The following GALK2 variants were observed in gnomAD, a reference collection of about 807,000 sequenced individuals.
GALK2 encodes the protein N-acetylgalactosamine kinase.
GALK2 carries 36 observed loss-of-function variants against 52.4 expected under a neutral mutation model. The ratio of observed to expected loss-of-function variants is 0.69; its 90% CI spans 0.53 to 0.91. The LOEUF is 0.91. GALK2 is among the 40% of genes least tolerant of loss of function. The pLI is 0.00. For synonymous variants in GALK2, 176 were observed against 199.1 expected (o/e 0.88, Z 0.98); for missense variants, 579 against 559.1 (o/e 1.04, Z -0.36).
In GALK2 at chr15:49,292,518, G is replaced by T. The variant is rs1272470295; in HGVS notation, c.948G>T (p.Leu316=). 29 of 1,613,896 alleles carry T rather than the reference G, an allele frequency of 1.8e-5. No homozygotes were observed. Among genetic ancestry groups the T allele is most frequent in the Non-Finnish European group, 2.5e-5 (29 of 1,179,862 alleles). ...ISLEELRTQI[L]SPNTQDVLIF... ...TGGAGGAACTCCGAACCCAAATCCT[G>T]AGTCCAAACACTCAAGATGGTGAGT... The change falls in exon 8 of 10, where the codon CTG becomes CTT. Residue 316 remains leucine (L), a synonymous_variant. Coordinates refer to ENST00000560031, the MANE Select transcript of GALK2 (RefSeq NM_002044.4).
chr15:49,301,305 A>G (rs2035091254), intron 8 of GALK2, among the ~76,000 whole-genome samples: 1 of 152,200 alleles, frequency 6.6e-6, no homozygotes, highest in South Asian at 2.1e-4. Context: ...CACACAAAGC[A>G]AAATCCTTCA....
At chr15:49,365,851 A>G (rs1274082788) in intron 3 of GALK2, 13 of 896,242 alleles carry the variant, frequency 1.5e-5, no homozygotes, top group African/African-American at 6.5e-5. Context: ...GCGACACTCA[A>G]TTGTGCATTG....
chr15:49,340,071 G>A lies in GALK2; in HGVS notation c.426+20266G>A, dbSNP rs933690300. On this transcript the variant is annotated intron_variant, in intron 3 of 3. Transcript: ENST00000558399. ...GCTGGGCTCAGTGGGGGTGGGACCC[G>A]CTGAGCCAGACCACTTGGCTCCCTG... is the stretch of plus-strand genomic sequence containing the variant. Among the ~76,000 whole-genome samples, 10 of 152,126 alleles carry A rather than the reference G, an allele frequency of 6.6e-5. No homozygotes were observed. In the East Asian group the frequency reaches 9.7e-4, roughly 15 times the overall value.
exon 4 of GALK2, chr15:49,367,639 G>A (rs754755632): frequency 1.3e-6 from 2 of 1,524,380 alleles, no homozygotes; most frequent in Non-Finnish European, 1.7e-6. Context: ...TCAAGACAAC[G>A]ATTACTTTTG....
rs184970229 is a variant in GALK2 at position 49,328,617 on chromosome 15, G to A, written c.*458G>A. 9 of 1,587,994 alleles carry A rather than the reference G, an allele frequency of 5.7e-6. No individual in the cohort carries two copies. The highest frequency in any genetic ancestry group is 7.7e-6 in the Non-Finnish European group (9 of 1,163,528). On this transcript the variant is annotated 3_prime_UTR_variant, in exon 10 of 10. Coordinates refer to ENST00000560031, the MANE Select transcript of GALK2 (RefSeq NM_002044.4). ...GTAGTTGTCTGTTGATGATGGTGAT[G>A]ATGATGATGATGACGATAGTGATGC...
intron 3 of GALK2, among the ~76,000 whole-genome samples, chr15:49,362,682 A>C (rs959877540): frequency 1.3e-5 from 2 of 152,122 alleles, no homozygotes; most frequent in Non-Finnish European, 2.9e-5. Flanking sequence ...CATCTTTATC[A>C]TGAAATCTTT....
At chr15:49,248,604 T>C (rs954699215) in intron 5 of GALK2, among the ~76,000 whole-genome samples, 1 of 152,190 alleles carries the variant, frequency 6.6e-6, no homozygotes, top group African/African-American at 2.4e-5. Flanking sequence ...AGGTTAATAA[T>C]GTAAATACAA....
intron 5 of GALK2, among the ~76,000 whole-genome samples, chr15:49,281,567 T>C (rs1310277443): frequency 1.3e-5 from 2 of 152,296 alleles, no homozygotes; most frequent in East Asian, 3.9e-4. Context: ...TAAAGTTTAA[T>C]GACCCCACTT....
intron 5 of GALK2, among the ~76,000 whole-genome samples, chr15:49,273,244 C>A (rs1000859298): frequency 6.6e-6 from 1 of 152,212 alleles, no homozygotes; most frequent in African/African-American, 2.4e-5. Context: ...GGTGTTTCTA[C>A]ATTTTTGCAG....
At chr15:49,349,951 T>C (rs1478048472) in intron 3 of GALK2, among the ~76,000 whole-genome samples, 1 of 151,962 alleles carries the variant, frequency 6.6e-6, no homozygotes, top group Non-Finnish European at 1.5e-5. Flanking sequence ...ATTTAAGAAT[T>C]TAGATGGGAA....
At position 49,205,770 on chromosome 15, in the gene GALK2, A is replaced by G. The variant is rs1260655010; in HGVS notation, c.142+4520A>G. On this transcript the variant is annotated intron_variant, in intron 2 of 9. Transcript: ENST00000560031. ...AGCTGTTTATCTTTGCTTTTATTGC[A>G]TTTGCTTTTGGGTTCTTGGTCATGA... Among the ~76,000 whole-genome samples, 3 of 152,068 alleles carry G rather than the reference A, an allele frequency of 2.0e-5. No homozygotes were observed. In the East Asian group the frequency reaches 5.8e-4, roughly 29 times the overall value.
intron 3 of GALK2, among the ~76,000 whole-genome samples, chr15:49,230,159 A>G (rs983469663): frequency 6.6e-6 from 1 of 152,154 alleles, no homozygotes; most frequent in Non-Finnish European, 1.5e-5. Flanking sequence ...GATGCGGTCT[A>G]GTAGAGTCTG....
At chr15:49,182,351 A>G (rs2086039524) in intron 1 of GALK2, among the ~76,000 whole-genome samples, 1 of 152,024 alleles carries the variant, frequency 6.6e-6, no homozygotes, top group Non-Finnish European at 1.5e-5. Flanking sequence ...GCTGAGTAGT[A>G]CTCCATTGTG....
intron 3 of GALK2, among the ~76,000 whole-genome samples, chr15:49,221,621 C>T (rs552028172): frequency 1.3e-5 from 2 of 151,512 alleles, no homozygotes; most frequent in African/African-American, 4.8e-5. Context: ...GAGCCGAGAT[C>T]GTGACACTGC....
chr15:49,309,730 C>T (rs949672142), intron 8 of GALK2, among the ~76,000 whole-genome samples: 3 of 151,912 alleles, frequency 2.0e-5, no homozygotes, highest in African/African-American at 7.3e-5. Flanking sequence ...AAGCAATTCT[C>T]ATGCCTCGGC....
intron 1 of GALK2, among the ~76,000 whole-genome samples, chr15:49,181,539 T>C (rs2085972398): frequency 6.9e-6 from 1 of 145,630 alleles, no homozygotes; most frequent in South Asian, 2.3e-4. Flanking sequence ...AGTCTCACTC[T>C]GTTGCCCAGG....
intron 7 of GALK2, among the ~76,000 whole-genome samples, chr15:49,284,355 A>G (rs2033103264): frequency 6.6e-6 from 1 of 152,236 alleles, no homozygotes; most frequent in African/African-American, 2.4e-5. Flanking sequence ...AGTAGAGTTA[A>G]GAGTTCAAGT....
intron 1 of GALK2, among the ~76,000 whole-genome samples, chr15:49,184,308 C>T (rs1370065187): frequency 2.0e-5 from 3 of 151,198 alleles, no homozygotes; most frequent in Non-Finnish European, 4.4e-5. Context: ...TTTTTGGTTT[C>T]CATTGGCATG....
intron 9 of GALK2, among the ~76,000 whole-genome samples, chr15:49,325,842 C>T (rs2037388222): frequency 6.6e-6 from 1 of 152,186 alleles, no homozygotes; most frequent in Non-Finnish European, 1.5e-5. Flanking sequence ...TCTTTACCTA[C>T]AAAGACTTCC....
Sources: gnomAD v4.1 joint callset for allele counts (sites outside exome capture counted in the v4.1 genomes callset) on GRCh38, gnomAD v4.1.1 for gene constraint, MANE v1.5 for transcripts, NCBI Gene and HGNC (gene_info 2026-07-23, HGNC 2026-07-21) for gene names.